The following SEM1 variants were observed in gnomAD, a reference collection of about 807,000 sequenced individuals.
SEM1 encodes the protein SEM1 26S proteasome subunit, also known as 26S proteasome complex subunit SEM1.
In SEM1, 3 loss-of-function variants were observed where a neutral mutation model predicts 12.7. The observed-to-expected ratio is 0.24, with a 90% CI of 0.11 to 0.61. SEM1 has a LOEUF of 0.61. SEM1 is among the 20% of genes least tolerant of loss of function. The pLI, the probability that SEM1 is intolerant of heterozygous loss-of-function variation, is 0.88. For missense variants in SEM1, 59 were observed against 81.3 expected (o/e 0.73, Z 1.06); for synonymous variants, 30 against 27.8 (o/e 1.08, Z -0.25).
At chr7:96,664,862 T>G (rs1019623122) in intron 2 of SEM1, among the ~76,000 whole-genome samples, 4 of 152,158 alleles carry the variant, frequency 2.6e-5, no homozygotes, top group Non-Finnish European at 5.9e-5. Flanking sequence ...AACCATACAA[T>G]AGTGAAATAA....
intron 2 of SEM1, among the ~76,000 whole-genome samples, chr7:96,518,760 G>C (rs1019231671): frequency 6.6e-6 from 1 of 152,086 alleles, no homozygotes; most frequent in Non-Finnish European, 1.5e-5. Flanking sequence ...AGTAAATGAG[G>C]TGATGTTTTA....
intron 2 of SEM1, among the ~76,000 whole-genome samples, chr7:96,585,096 G>A (rs2116089755): frequency 6.6e-6 from 1 of 152,210 alleles, no homozygotes; most frequent in Admixed American, 6.5e-5. Context: ...CATCTTTGTG[G>A]TTTTATCTAC....
intron 2 of SEM1, among the ~76,000 whole-genome samples, chr7:96,589,939 T>C (rs1320592987): frequency 1.2e-4 from 18 of 152,156 alleles, no homozygotes; most frequent in Non-Finnish European, 1.8e-4. Flanking sequence ...AAATGCTAAT[T>C]CAGGCAGAAA....
At chr7:96,509,229 C>T (rs928097843) in intron 2 of SEM1, among the ~76,000 whole-genome samples, 1 of 145,022 alleles carries the variant, frequency 6.9e-6, no homozygotes, top group East Asian at 2.2e-4. Flanking sequence ...TGATCTTAAA[C>T]TCCTGGCCTC....
At chr7:96,565,159 C>G (rs1329428937) in intron 2 of SEM1, among the ~76,000 whole-genome samples, 1 of 151,908 alleles carries the variant, frequency 6.6e-6, no homozygotes, top group East Asian at 1.9e-4. Flanking sequence ...AAACCATTAT[C>G]CTAGAATATT....
intron 2 of SEM1, among the ~76,000 whole-genome samples, chr7:96,580,047 C>A (rs1488816677): frequency 6.7e-6 from 1 of 149,826 alleles, no homozygotes; most frequent in Non-Finnish European, 1.5e-5. Flanking sequence ...TATACATGTG[C>A]CATGCTGGTG....
chr7:96,613,681 G>T (rs541997330), intron 2 of SEM1, among the ~76,000 whole-genome samples: 7 of 152,268 alleles, frequency 4.6e-5, no homozygotes, highest in Non-Finnish European at 1.0e-4. Flanking sequence ...TTTAGCCAAT[G>T]TCTCTCCTTT....
chr7:96,494,657 A>G (rs1032261742), intron 1 of SEM1, among the ~76,000 whole-genome samples: 1 of 152,144 alleles, frequency 6.6e-6, no homozygotes, highest in Non-Finnish European at 1.5e-5. Flanking sequence ...TAAGAACAGA[A>G]TATGTCACAG....
upstream of SEM1, among the ~76,000 whole-genome samples, chr7:96,499,193 C>A (rs943003155): frequency 3.3e-5 from 5 of 152,146 alleles, no homozygotes; most frequent in African/African-American, 7.2e-5. Context: ...CAAGAAATTT[C>A]TGTTCCTGAA....
intron 2 of SEM1, among the ~76,000 whole-genome samples, chr7:96,565,743 C>T (rs982825107): frequency 6.6e-6 from 1 of 151,810 alleles, no homozygotes; most frequent in African/African-American, 2.4e-5. Flanking sequence ...CTAGCTCTGT[C>T]AGAGATGCTT....
intron 2 of SEM1, chr7:96,656,533 C>T (rs1809184057): frequency 1.3e-5 from 2 of 151,550 alleles, no homozygotes; most frequent in South Asian, 4.2e-4. Context: ...ACTTAAGCAA[C>T]TTCCATGATA....
At chr7:96,678,147 T>C (rs1272665160) in intron 2 of SEM1, among the ~76,000 whole-genome samples, 1 of 152,136 alleles carries the variant, frequency 6.6e-6, no homozygotes, top group Non-Finnish European at 1.5e-5. Context: ...TATTCAAAAT[T>C]GGTGAAATAG....
chr7:96,585,151 T>C (rs1251163794), intron 2 of SEM1, among the ~76,000 whole-genome samples: 14 of 152,350 alleles, frequency 9.2e-5, no homozygotes, highest in Non-Finnish European at 2.1e-4. Context: ...TTTTTTGGTG[T>C]GGATATCCTT....
rs925977873 is a variant in SEM1, at chr7:96,582,522, G to T, written c.171-75824C>A. The stretch of plus-strand genomic sequence containing the variant: ...AGGGAGGATTCCCTCTTTTTCTATT[G>T]ATTGGAATAGTTTCAGAAGGAATGG... On this transcript the variant is annotated intron_variant and NMD_transcript_variant, in intron 2 of 3. Coordinates refer to the SEM1 transcript ENST00000466986. Among the ~76,000 whole-genome samples, 10 of 151,346 alleles carry T rather than the reference G, an allele frequency of 6.6e-5. No homozygotes were observed. The South Asian group carries it at 1.7e-3, about 26-fold the overall frequency.
chr7:96,620,795 C>A (rs561744988), downstream of SEM1, among the ~76,000 whole-genome samples: 3 of 152,322 alleles, frequency 2.0e-5, no homozygotes, highest in Middle Eastern at 3.4e-3. Context: ...TCCCTCTCCC[C>A]TCCCATTGTC....
chr7:96,517,163 C>T (rs1159834048), intron 2 of SEM1, among the ~76,000 whole-genome samples: 1 of 152,148 alleles, frequency 6.6e-6, no homozygotes, highest in African/African-American at 2.4e-5. Flanking sequence ...TATCATAATA[C>T]ATTTGTCCTA....
intron 2 of SEM1, among the ~76,000 whole-genome samples, chr7:96,627,184 C>G (rs1488340014): frequency 1.3e-5 from 2 of 151,782 alleles, no homozygotes; most frequent in African/African-American, 4.8e-5. Flanking sequence ...GAAGTTTTGT[C>G]ACTTTGTTTA....
Position 96,509,868 on chromosome 7 carries a change from T to TAGCCAGGGATTGAGGGAGGGG in SEM1, c.171-3171_171-3170insCCCCTCCCTCAATCCCTGGCT, listed in dbSNP as rs371450575. ...AAGGCAAATTCATAGAGACAGAAAGTAGGATGGTGGTAGCCAGGGATTGAG... is the reference window on the plus strand; with the variant it reads ...AAGGCAAATTCATAGAGACAGAAAGTAGCCAGGGATTGAGGGAGGGGAGGATGGTGGTAGCCAGGGATTGAG... On this transcript the variant is annotated intron_variant and NMD_transcript_variant, in intron 2 of 3. Transcript: ENST00000466986. Among the ~76,000 whole-genome samples, 1,171 of 151,982 alleles carry TAGCCAGGGATTGAGGGAGGGG rather than the reference T, an allele frequency of 7.7e-3. 15 individuals are homozygous for TAGCCAGGGATTGAGGGAGGGG. Among genetic ancestry groups the TAGCCAGGGATTGAGGGAGGGG allele is most frequent in the African/African-American group, 0.027 (1,117 of 41,464 alleles).
At chr7:96,555,445 G>A (rs1458131280) in intron 2 of SEM1, among the ~76,000 whole-genome samples, 1 of 143,542 alleles carries the variant, frequency 7.0e-6, no homozygotes, top group African/African-American at 2.5e-5. Flanking sequence ...ATTTCGTTAT[G>A]TACCCAGTAG....
Sources: allele counts gnomAD v4.1 joint callset (sites outside exome capture counted in the v4.1 genomes callset), GRCh38; gene constraint gnomAD v4.1.1; transcripts MANE v1.5; gene names NCBI Gene and HGNC (gene_info 2026-07-23, HGNC 2026-07-21).